The following ADAMTS19 variants were observed in gnomAD, a reference collection of about 807,000 sequenced individuals.
ADAMTS19 encodes ADAM metallopeptidase with thrombospondin type 1 motif 19, also known as A disintegrin and metalloproteinase with thrombospondin motifs 19.
Under a neutral mutation model 153.3 loss-of-function variants are expected in ADAMTS19, and 93 were observed. The observed-to-expected ratio is 0.61, with a 90% confidence interval of 0.51 to 0.72. The LOEUF is 0.72. ADAMTS19 is among the 30% of genes least tolerant of loss of function. The pLI, the probability that ADAMTS19 is intolerant of heterozygous loss-of-function variation, is 0.00. For missense variants in ADAMTS19, 1,482 were observed against 1,552.1 expected (o/e 0.95, Z 0.76); for synonymous variants, 600 against 556.6 (o/e 1.08, Z -1.10).
chr5:129,668,857 A>T (rs1754171605), intron 16 of ADAMTS19, among the ~76,000 whole-genome samples: 1 of 152,160 alleles, frequency 6.6e-6, no homozygotes, highest in African/African-American at 2.4e-5. Context: ...TTTCAATGAA[A>T]TCTTTTGAAG....
chr5:129,560,846 C>T (rs561646390), intron 7 of ADAMTS19, among the ~76,000 whole-genome samples: 4 of 151,908 alleles, frequency 2.6e-5, no homozygotes, highest in Non-Finnish European at 5.9e-5. Flanking sequence ...AAGATGTCAC[C>T]GCAAGTTTTT....
chr5:129,522,332 CAT>C (rs1209637522), intron 3 of ADAMTS19, among the ~76,000 whole-genome samples: 925 of 58,556 alleles, frequency 0.016, 9 homozygotes, highest in East Asian at 0.032. Context: ...CACACACACA[CAT>C]ATATATATAT....
intron 6 of ADAMTS19, among the ~76,000 whole-genome samples, chr5:129,530,535 C>T (rs1752163331): frequency 1.3e-5 from 2 of 151,936 alleles, no homozygotes. Flanking sequence ...ACTTCACATC[C>T]GAAAAACCAT....
intron 2 of ADAMTS19, among the ~76,000 whole-genome samples, chr5:129,499,819 C>A (rs772255119): frequency 6.6e-6 from 1 of 152,096 alleles, no homozygotes; most frequent in Non-Finnish European, 1.5e-5. Context: ...TTTCTGATAA[C>A]CATTTCACAT....
chr5:129,698,226 G>T (rs1755652524), intron 19 of ADAMTS19, among the ~76,000 whole-genome samples: 1 of 152,212 alleles, frequency 6.6e-6, no homozygotes, highest in South Asian at 2.1e-4. Flanking sequence ...CCACCAAGCT[G>T]TGATGTTAGT....
At chr5:129,596,429 G>T in intron 7 of ADAMTS19, 130 bp from the exon 8 acceptor site, 1 of 583,890 alleles carries the variant, frequency 1.7e-6, no homozygotes, top group East Asian at 3.1e-5. Flanking sequence ...ATTTATTAGG[G>T]CTAGATTTCA....
rs571299355 is a variant in ADAMTS19 at position 129,698,540 on chromosome 5, G to A, written c.2955-2848G>A. Among the ~76,000 whole-genome samples the A allele has an allele frequency of 3.3e-5, 5 of 152,194 alleles. No homozygotes were observed. The South Asian group carries it at 8.3e-4, about 25-fold the overall frequency. ...CCTTCCAAATTAAGTTCTAAGCCACGAAAATGTTTTCTTTCATTAGAATAC... is the reference window on the plus strand; with the variant it reads ...CCTTCCAAATTAAGTTCTAAGCCACAAAAATGTTTTCTTTCATTAGAATAC... On this transcript the variant is annotated intron_variant, in intron 19 of 22. Coordinates refer to ENST00000274487, the MANE Select transcript of ADAMTS19 (RefSeq NM_133638.6).
chr5:129,678,221 A>T (rs567472239), intron 16 of ADAMTS19, among the ~76,000 whole-genome samples: 2 of 152,192 alleles, frequency 1.3e-5, no homozygotes, highest in South Asian at 4.1e-4. Flanking sequence ...GTTTGACTTC[A>T]TGCACATGGG....
chr5:129,668,971 C>G (rs1304852006), intron 16 of ADAMTS19, among the ~76,000 whole-genome samples: 7 of 152,124 alleles, frequency 4.6e-5, no homozygotes, highest in Non-Finnish European at 1.5e-5. Flanking sequence ...AGGATGCAGA[C>G]TTTCTGATTG....
chr5:129,736,096 G>A (rs1237457568), intron 22 of ADAMTS19, among the ~76,000 whole-genome samples: 2 of 151,910 alleles, frequency 1.3e-5, no homozygotes, highest in African/African-American at 4.8e-5. Flanking sequence ...ATGAGTTCAA[G>A]GTGAATAACA....
chr5:129,731,467 A>G (rs899608911), intron 21 of ADAMTS19, among the ~76,000 whole-genome samples: 2 of 152,174 alleles, frequency 1.3e-5, no homozygotes, highest in African/African-American at 2.4e-5. Context: ...CTTGTAGGCA[A>G]TGGTAAACTC....
chr5:129,631,323 C>T (rs59427406), intron 10 of ADAMTS19, among the ~76,000 whole-genome samples: 1 of 151,552 alleles, frequency 6.6e-6, no homozygotes, highest in Non-Finnish European at 1.5e-5. Context: ...TGACAGAATG[C>T]ATTTCCACAG....
intron 7 of ADAMTS19, among the ~76,000 whole-genome samples, chr5:129,587,018 T>C (rs1039125630): frequency 6.6e-6 from 1 of 152,016 alleles, no homozygotes; most frequent in Non-Finnish European, 1.5e-5. Flanking sequence ...CTTTAAAACA[T>C]TTTCTAATTA....
At chr5:129,481,815 T>C (rs1292503198) in intron 2 of ADAMTS19, among the ~76,000 whole-genome samples, 1 of 152,214 alleles carries the variant, frequency 6.6e-6, no homozygotes, top group Non-Finnish European at 1.5e-5. Flanking sequence ...GAGGTCTTTA[T>C]ACACACTACG....
chr5:129,461,173 G>T lies in ADAMTS19; in HGVS notation c.163G>T (p.Asp55Tyr). The T allele has an allele frequency of 7.2e-7, 1 of 1,380,452 alleles. No individual in the cohort carries two copies. The highest frequency in any genetic ancestry group is 9.4e-7 in the Non-Finnish European group (1 of 1,063,748). The allele number at this position is 1,380,452 out of a possible 1,614,324, so 85.5% of individuals were successfully genotyped here. A position where few individuals can be genotyped will look rare whatever the true frequency, so the allele number is the denominator to read the frequency against. ...TGCGCTCTGGCGCCGGGAGCCGGTG[G>T]ACCCGGCTGGCGGCAGCGGGGGCAG... Reference protein sequence around the residue: ...FPALWRREPVDPAGGSGGSAD... With the variant: ...FPALWRREPVYPAGGSGGSAD... The change falls in exon 2 of 23, where the codon GAC becomes TAC. Residue 55 changes from aspartate to tyrosine, a missense_variant. Asp to Tyr is a radical substitution (Grantham distance 160). Transcript: ENST00000274487. The surrounding 1 kb of genome is among the most constrained non-coding windows in gnomAD (Gnocchi z 4.6).
chr5:129,669,175 G>A (rs1754188980), intron 16 of ADAMTS19, among the ~76,000 whole-genome samples: 1 of 151,910 alleles, frequency 6.6e-6, no homozygotes. Context: ...CGGTGGTGCT[G>A]GGAAATCTAG....
chr5:129,486,090 C>G (rs1485194871), intron 2 of ADAMTS19, among the ~76,000 whole-genome samples: 3 of 152,128 alleles, frequency 2.0e-5, no homozygotes, highest in Non-Finnish European at 2.9e-5. Flanking sequence ...CGCGCCTGGC[C>G]TATAATTGAA....
chr5:129,675,244 A>C (rs1490282176), intron 16 of ADAMTS19, among the ~76,000 whole-genome samples: 1 of 152,024 alleles, frequency 6.6e-6, no homozygotes, highest in Non-Finnish European at 1.5e-5. Flanking sequence ...CTTTATGCTT[A>C]TTTGGCTTAG....
Position 129,461,479 on chromosome 5 carries a change from T to TCCCCGC in ADAMTS19, c.475_480dup (p.Pro159_Pro160dup), listed in dbSNP as rs1749659282. ...GCCGCCTCCCCCGCAGCCGCCCCCG[T>TCCCCGC]CCCCGCCCCCGGCCCAGCATGCCGA... On this transcript the variant is annotated inframe_insertion, in exon 2 of 23. Transcript: ENST00000274487. This position sits in a 1 kb window ranked among gnomAD's most constrained non-coding sequence, Gnocchi z 4.6. 1 of 1,477,794 alleles carries TCCCCGC rather than the reference T, an allele frequency of 6.8e-7. No individual in the cohort carries two copies. Among genetic ancestry groups the TCCCCGC allele is most frequent in the Non-Finnish European group, 8.9e-7 (1 of 1,123,224 alleles). The allele number at this position is 1,477,794 out of a possible 1,614,324, so 91.5% of individuals were successfully genotyped here.
Sources: allele counts gnomAD v4.1 joint callset (sites outside exome capture counted in the v4.1 genomes callset), GRCh38; gene constraint gnomAD v4.1.1; non-coding constraint Gnocchi (gnomAD v3.1); transcripts MANE v1.5; gene names NCBI Gene and HGNC (gene_info 2026-07-23, HGNC 2026-07-21).